FAAH2: variants seen among roughly 807,000 people sequenced by gnomAD.
FAAH2 encodes the protein fatty-acid amide hydrolase 2.
FAAH2 carries 60 observed loss-of-function variants against 36.9 expected under a neutral mutation model. The observed-to-expected ratio is 1.63, with a 90% CI of 1.32 to 2.02. FAAH2 has a LOEUF of 2.02. Among genes scored for constraint, FAAH2 ranks in the 30% most tolerant of loss-of-function variants. FAAH2 has a pLI of 0.00. For missense variants in FAAH2, 689 were observed against 397.5 expected (o/e 1.73, Z -6.23); for synonymous variants, 214 against 143.8 (o/e 1.49, Z -3.49).
the FAAH2 span, among the ~76,000 whole-genome samples, chrX:57,248,816 T>C: frequency 2.4e-5 from 2 of 82,251 alleles, no homozygotes; most frequent in Admixed American, 1.4e-4. Context: ...TTTTTTTTTT[T>C]CTGTTAAGCA....
At chrX:57,472,142 A>G (rs1182374519) in intron 10 of FAAH2, among the ~76,000 whole-genome samples, 1 of 112,249 alleles carries the variant, frequency 8.9e-6, no homozygotes, top group Non-Finnish European at 1.9e-5. Flanking sequence ...TAGAAAGCTT[A>G]GAAGAAAACC....
At chrX:57,257,765 C>G in the FAAH2 span, among the ~76,000 whole-genome samples, 5 of 110,161 alleles carry the variant, frequency 4.5e-5, no homozygotes, top group African/African-American at 1.7e-4. Flanking sequence ...CAAATTTAAC[C>G]AAGGATGTGA....
chrX:57,465,211 G>A (rs1293449478), intron 10 of FAAH2, among the ~76,000 whole-genome samples: 3 of 111,511 alleles, frequency 2.7e-5, no homozygotes, highest in African/African-American at 9.7e-5. Context: ...CTAATGAACA[G>A]AGAGAAAAGC....
At chrX:57,394,109 A>G (rs1282068258) in intron 7 of FAAH2, 3 of 718,599 alleles carry the variant, frequency 4.2e-6, no homozygotes, top group African/African-American at 4.2e-5. Context: ...GATGGCATGG[A>G]TGTCACCTGT....
the FAAH2 span, among the ~76,000 whole-genome samples, chrX:57,270,870 C>G: frequency 8.9e-6 from 1 of 112,127 alleles, no homozygotes; most frequent in Non-Finnish European, 1.9e-5. Flanking sequence ...CCACCAAGGC[C>G]CTGGGTTTCA....
At chrX:57,187,284 C>T in the FAAH2 span, among the ~76,000 whole-genome samples, 2 of 110,579 alleles carry the variant, frequency 1.8e-5, no homozygotes, top group African/African-American at 3.3e-5. Context: ...CTTTCATGTC[C>T]CCTGTAAGTT....
chrX:57,441,603 T>G (rs1315920427), intron 8 of FAAH2, among the ~76,000 whole-genome samples: 1 of 110,548 alleles, frequency 9.0e-6, no homozygotes, highest in East Asian at 2.8e-4. Context: ...TGTGTGTCTA[T>G]CTCCTTCAGT....
intron 2 of FAAH2, 36 bp downstream of exon 2, chrX:57,292,616 G>T: frequency 6.3e-6 from 7 of 1,119,297 alleles, no homozygotes; most frequent in Non-Finnish European, 7.3e-6. Flanking sequence ...GTCATTTATG[G>T]TGGTTTTTGT....
At chrX:57,178,763 C>T in the FAAH2 span, among the ~76,000 whole-genome samples, 1 of 111,936 alleles carries the variant, frequency 8.9e-6, no homozygotes, top group African/African-American at 3.2e-5. Context: ...ATTCAGCTCC[C>T]ATGTACTTGA....
At chrX:57,464,698 C>T (rs917126157) in intron 10 of FAAH2, among the ~76,000 whole-genome samples, 3 of 110,268 alleles carry the variant, frequency 2.7e-5, no homozygotes, top group Non-Finnish European at 3.8e-5. Context: ...AACAAATCAA[C>T]GTGCAAAAAA....
the FAAH2 span, among the ~76,000 whole-genome samples, chrX:57,264,762 G>C: frequency 8.9e-6 from 1 of 112,346 alleles, no homozygotes; most frequent in African/African-American, 3.2e-5. Flanking sequence ...ATTCACAATA[G>C]CAAAGACATG....
the FAAH2 span, among the ~76,000 whole-genome samples, chrX:57,167,233 C>A: frequency 9.0e-6 from 1 of 111,338 alleles, no homozygotes; most frequent in South Asian, 3.8e-4. Flanking sequence ...AACAAAACGG[C>A]CCCATTTTCC....
intron 2 of FAAH2, among the ~76,000 whole-genome samples, chrX:57,294,078 T>C (rs2052062859): frequency 8.9e-6 from 1 of 112,349 alleles, no homozygotes; most frequent in Non-Finnish European, 1.9e-5. Flanking sequence ...TTACTAGAAA[T>C]TTAAAACACT....
chrX:57,236,735 G>A, the FAAH2 span, among the ~76,000 whole-genome samples: 1 of 110,828 alleles, frequency 9.0e-6, no homozygotes, highest in Non-Finnish European at 1.9e-5. Context: ...ATTTGAGTTC[G>A]TTATATATCA....
chrX:57,444,388 G>A (rs778134616), intron 8 of FAAH2, among the ~76,000 whole-genome samples: 15 of 112,290 alleles, frequency 1.3e-4, no homozygotes, highest in African/African-American at 4.8e-4. Flanking sequence ...GAGGCTCTGT[G>A]GGCTTCGGAC....
At chrX:57,294,135 C>T (rs771857183) in intron 2 of FAAH2, among the ~76,000 whole-genome samples, 1 of 111,734 alleles carries the variant, frequency 8.9e-6, no homozygotes, top group South Asian at 3.8e-4. Context: ...ATAGAACCTT[C>T]CATCAATCCC....
At chrX:57,251,399 T>C in the FAAH2 span, among the ~76,000 whole-genome samples, 1 of 111,633 alleles carries the variant, frequency 9.0e-6, no homozygotes, top group African/African-American at 3.3e-5. Flanking sequence ...AACCTCATAC[T>C]AAGTGGTAAA....
chrX:57,284,137 C>T (rs1282925954), upstream of FAAH2, among the ~76,000 whole-genome samples: 1 of 112,093 alleles, frequency 8.9e-6, no homozygotes, highest in Non-Finnish European at 1.9e-5. Flanking sequence ...CTGCTTCCAG[C>T]CTGAGAACTC....
At chrX:57,315,746 G>A (rs916858437) in intron 3 of FAAH2, among the ~76,000 whole-genome samples, 5 of 111,125 alleles carry the variant, frequency 4.5e-5, no homozygotes, top group Non-Finnish European at 5.7e-5. Flanking sequence ...ACTAGGCATC[G>A]AAGGAACATA....
Sources: allele counts gnomAD v4.1 joint callset (sites outside exome capture counted in the v4.1 genomes callset), GRCh38; gene constraint gnomAD v4.1.1; transcripts MANE v1.5; gene names NCBI Gene and HGNC (gene_info 2026-07-23, HGNC 2026-07-21).